Variants in MPRIP observed in about 807,000 individuals in gnomAD.
MPRIP encodes the protein myosin phosphatase Rho interacting protein.
A neutral mutation model predicts 234.9 loss-of-function variants in MPRIP; 59 were observed. The observed-to-expected ratio is 0.25, with a 90% confidence interval of 0.20 to 0.31. The LOEUF is 0.31. Ranked by LOEUF, MPRIP falls within the 10% of genes least tolerant of loss-of-function variation. The probability of loss-of-function intolerance (pLI) is 1.00; values close to 1 mark genes in which losing one functional copy is unlikely to be tolerated. For synonymous variants in MPRIP, 1,144 were observed against 1,263.9 expected (o/e 0.91, Z 2.01); for missense variants, 2,436 against 3,071.0 (o/e 0.79, Z 4.89).
chr17:17,186,351 A>C lies in MPRIP; in HGVS notation c.*1457A>C, dbSNP rs1298948451. 1 of 152,180 alleles carries C rather than the reference A, an allele frequency of 6.6e-6. No individual in the cohort carries two copies. The highest frequency in any genetic ancestry group is 6.5e-5 in the Admixed American group (1 of 15,282). The allele number at this position is 152,180 out of a possible 1,614,324, so 9.4% of individuals were successfully genotyped here. On this transcript the variant is annotated 3_prime_UTR_variant, in exon 24 of 24. Transcript: ENST00000651222. The stretch of plus-strand genomic sequence containing the variant: ...TCAGTGGAGCTCTGGCCCCGCCCCC[A>C]ATGTGCAGAAGGGCCGGGAGCAAGG...
At chr17:17,177,922 G>A (rs1480178530) in intron 22 of MPRIP, among the ~76,000 whole-genome samples, 1 of 125,536 alleles carries the variant, frequency 8.0e-6, no homozygotes, top group South Asian at 2.7e-4. Context: ...CAGCTCATAC[G>A]TAATTTTTTT....
intron 21 of MPRIP, 40 bp from the exon 22 acceptor site, chr17:17,177,210 C>G: frequency 1.3e-6 from 2 of 1,593,604 alleles, no homozygotes; most frequent in Middle Eastern, 1.7e-4. Flanking sequence ...GCTCCTCTTT[C>G]CTGGATGTAA....
chr17:17,051,892 C>G (rs2088553299), intron 1 of MPRIP, among the ~76,000 whole-genome samples: 1 of 152,274 alleles, frequency 6.6e-6, no homozygotes, highest in African/African-American at 2.4e-5. Context: ...TTGGGCGCAG[C>G]TTGGCGGTTG....
intron 1 of MPRIP, among the ~76,000 whole-genome samples, chr17:17,053,625 G>A (rs1202393649): frequency 6.6e-6 from 1 of 152,180 alleles, no homozygotes; most frequent in Non-Finnish European, 1.5e-5. Context: ...AGTGCGGGGA[G>A]CACCAGGTCC....
At chr17:17,144,595 C>T (rs557289736) in intron 9 of MPRIP, among the ~76,000 whole-genome samples, 10 of 152,268 alleles carry the variant, frequency 6.6e-5, no homozygotes, top group Non-Finnish European at 1.2e-4. Flanking sequence ...CGGTGGCTCA[C>T]GTCTGTAATC....
intron 15 of MPRIP, among the ~76,000 whole-genome samples, chr17:17,162,328 G>A (rs1478023012): frequency 1.3e-5 from 2 of 152,192 alleles, no homozygotes; most frequent in African/African-American, 2.4e-5. Flanking sequence ...TCTCTGTCAC[G>A]TATTGTCTAC....
chr17:17,075,772 A>G lies in MPRIP; in HGVS notation c.186A>G (p.Pro62=), dbSNP rs1597758264. The change falls in exon 2 of 24, where the codon CCA becomes CCG. Residue 62 remains proline (P), a synonymous_variant. Coordinates refer to ENST00000651222, the MANE Select transcript of MPRIP (RefSeq NM_001364716.4). ...LAPDGTDFDN[P]VHRSRKWQRR... ...CAGATGGGACCGACTTTGACAACCCAGTGCACCGGTCTCGGGTAAGGGCAT... is the reference window on the plus strand; with the variant it reads ...CAGATGGGACCGACTTTGACAACCCGGTGCACCGGTCTCGGGTAAGGGCAT... The G allele has an allele frequency of 1.2e-6, 2 of 1,614,090 alleles. No homozygotes were observed. The highest frequency in any genetic ancestry group is 1.7e-6 in the Non-Finnish European group (2 of 1,179,990).
intron 11 of MPRIP, among the ~76,000 whole-genome samples, chr17:17,147,868 G>C (rs1057379598): frequency 2.6e-5 from 4 of 152,178 alleles, no homozygotes; most frequent in South Asian, 2.1e-4. Flanking sequence ...GGACAGTCCT[G>C]ATTCTGTGGT....
intron 23 of MPRIP, chr17:17,180,556 C>T (rs745685226): frequency 6.5e-6 from 10 of 1,543,622 alleles, no homozygotes; most frequent in East Asian, 2.2e-5. Context: ...AGCGGCACCG[C>T]GTGTGTTTGG....
chr17:17,075,086 G>A (rs146446805), intron 1 of MPRIP, among the ~76,000 whole-genome samples: 34 of 152,252 alleles, frequency 2.2e-4, no homozygotes, highest in African/African-American at 5.8e-4. Context: ...TGGCAGCACC[G>A]TTTTACATCC....
Position 17,143,660 on chromosome 17 carries a change from C to T in MPRIP, c.1494C>T (p.Pro498=), listed in dbSNP as rs753721271. 3.7e-6 allele frequency: 6 copies of T among 1,602,626 alleles called. No individual in the cohort carries two copies. The East Asian group carries it at 6.8e-5, about 18-fold the overall frequency. ...CACTGGACAGGAGGTCCACGGAGCC[C>T]TCCGTGACGGTGAGCCCAGGCGCCG... ...AKSLDRRSTE[P]SVTPDLLNFK... The change falls in exon 9 of 24, where the codon CCC becomes CCT. Residue 498 remains proline, a synonymous_variant. Transcript: ENST00000651222.
At chr17:17,156,558 C>T (rs7214429) in intron 13 of MPRIP, among the ~76,000 whole-genome samples, 65,415 of 152,220 alleles carry the variant, frequency 0.43, 16,791 homozygotes, top group East Asian at 0.68. Context: ...CTGCTCTCAT[C>T]GCCATCTTGA....
At chr17:17,181,054 G>T (rs1324538645) in intron 23 of MPRIP, among the ~76,000 whole-genome samples, 1 of 152,224 alleles carries the variant, frequency 6.6e-6, no homozygotes, top group African/African-American at 2.4e-5. Context: ...CGCCCACCTA[G>T]TGAGCCACTT....
chr17:17,168,742 A>T (rs2046063300), intron 16 of MPRIP: 1 of 410,004 alleles, frequency 2.4e-6, no homozygotes. Flanking sequence ...TGTTCCTTCC[A>T]CTCAGGAAGC....
At chr17:17,124,020 C>G (rs2090445220) in intron 3 of MPRIP, among the ~76,000 whole-genome samples, 1 of 151,978 alleles carries the variant, frequency 6.6e-6, no homozygotes. Flanking sequence ...CCTGGCTCAG[C>G]TTGGTATGTT....
intron 8 of MPRIP, 119 bp from the exon 9 acceptor site, chr17:17,143,437 C>T: frequency 3.4e-6 from 2 of 590,552 alleles, no homozygotes; most frequent in Non-Finnish European, 5.6e-6. Context: ...AGGCAGATCA[C>T]TGCCCCTCGC....
chr17:17,102,888 C>G (rs2089991666), intron 3 of MPRIP, among the ~76,000 whole-genome samples: 1 of 152,228 alleles, frequency 6.6e-6, no homozygotes, highest in Non-Finnish European at 1.5e-5. Context: ...CTGCCCTTAC[C>G]CAGCCAAACC....
intron 16 of MPRIP, chr17:17,168,839 C>A (rs550390930): frequency 5.3e-5 from 24 of 456,854 alleles, no homozygotes; most frequent in Middle Eastern, 3.2e-4. Context: ...GAGCCAGGCG[C>A]GCACACAGCC....
rs1437623220 is a variant in MPRIP, at chr17:17,166,288, C to G, written c.4697C>G (p.Ser1566Cys). 1.5e-6 allele frequency: 2 copies of G among 1,304,262 alleles called. No homozygotes were observed. Among genetic ancestry groups the G allele is most frequent in the African/African-American group, 1.5e-5 (1 of 65,894 alleles). The allele number at this position is 1,304,262 out of a possible 1,614,324, so 80.8% of individuals were successfully genotyped here. ...LTEQEQVRLL[S>C]DQIALEASLI... ...GAGCAGGAGCAGGTGAGGCTTCTTT[C>G]TGACCAGATTGCTCTGGAGGCCTCG... is the stretch of plus-strand genomic sequence containing the variant. Residue 1566 changes from serine to cysteine, a missense_variant, in exon 16 of 24, where the codon TCT (serine) becomes TGT (cysteine). Physicochemically the swap from Ser to Cys is moderately radical, Grantham distance 112 (BLOSUM62 -1). Transcript: ENST00000651222. The surrounding 1 kb of genome is among the most constrained non-coding windows in gnomAD (Gnocchi z 4.4).
Sources: allele counts gnomAD v4.1 joint callset (sites outside exome capture counted in the v4.1 genomes callset), GRCh38; gene constraint gnomAD v4.1.1; non-coding constraint Gnocchi (gnomAD v3.1); transcripts MANE v1.5; gene names NCBI Gene and HGNC (gene_info 2026-07-23, HGNC 2026-07-21).